Variants in NPIPA6 observed in about 807,000 individuals in gnomAD.
The protein encoded by NPIPA6 is nuclear pore complex interacting protein family, member A6.
At chr16:16,336,386 C>G in the NPIPA6 span, among the ~76,000 whole-genome samples, 1 of 33,628 alleles carries the variant, frequency 3.0e-5, no homozygotes, top group African/African-American at 1.2e-4. Context: ...CGCTCCCTTG[C>G]CCCGCCTGTC....
At chr16:16,343,130 G>T in the NPIPA6 span, among the ~76,000 whole-genome samples, 1 of 137,446 alleles carries the variant, frequency 7.3e-6, no homozygotes, top group Non-Finnish European at 1.6e-5. Context: ...GTCTCACTCT[G>T]TCACCAGGCT....
At chr16:16,343,734 TG>T in the NPIPA6 span, among the ~76,000 whole-genome samples, 1 of 80,862 alleles carries the variant, frequency 1.2e-5, no homozygotes, top group Non-Finnish European at 2.4e-5. Context: ...TGTGTGTGTG[TG>T]TGTGTGACAG....
chr16:16,334,170 TC>T, the NPIPA6 span: 1 of 942,968 alleles, frequency 1.1e-6, no homozygotes, highest in Non-Finnish European at 1.5e-6. Context: ...CAGTGACCCG[TC>T]CATTGTGGGT....
At chr16:16,343,713 T>TTGTGTGTG in the NPIPA6 span, among the ~76,000 whole-genome samples, 25 of 81,532 alleles carry the variant, frequency 3.1e-4, no homozygotes, top group Non-Finnish European at 4.9e-4. Context: ...TTCTTGTGTG[T>TTGTGTGTG]TGTGTGTGTG....
chr16:16,343,284 G>A, the NPIPA6 span, among the ~76,000 whole-genome samples: 21 of 132,240 alleles, frequency 1.6e-4, no homozygotes, highest in South Asian at 2.6e-4. Context: ...GTAGAGACGG[G>A]GTTTCACCAT....
chr16:16,343,713 TTGTGTGTGTGTG>T, the NPIPA6 span, among the ~76,000 whole-genome samples: 3 of 81,506 alleles, frequency 3.7e-5, no homozygotes, highest in African/African-American at 5.1e-5. Context: ...TTCTTGTGTG[TTGTGTGTGTGTG>T]TGTGTGTGTG....
the NPIPA6 span, among the ~76,000 whole-genome samples, chr16:16,337,208 T>A: frequency 1.7e-5 from 2 of 114,998 alleles, no homozygotes; most frequent in Non-Finnish European, 3.5e-5. Flanking sequence ...ATTTGATTTG[T>A]GTCATCTGGT....
chr16:16,337,197 C>T, the NPIPA6 span, among the ~76,000 whole-genome samples: 2 of 111,968 alleles, frequency 1.8e-5, no homozygotes, highest in African/African-American at 4.1e-5. Context: ...AGTGAAATGT[C>T]ATTTGATTTG....
chr16:16,337,225 A>AC, the NPIPA6 span, among the ~76,000 whole-genome samples: 2 of 111,806 alleles, frequency 1.8e-5, no homozygotes, highest in African/African-American at 8.5e-5. Context: ...TGGTTTGATG[A>AC]CTTTTTTTTT....
chr16:16,336,522 C>T, the NPIPA6 span, among the ~76,000 whole-genome samples: 3 of 46,208 alleles, frequency 6.5e-5, no homozygotes, highest in African/African-American at 2.8e-4. Context: ...CCCCAACAGC[C>T]CCCTTCTCCT....
At chr16:16,337,276 G>A in the NPIPA6 span, 1 of 139,804 alleles carries the variant, frequency 7.2e-6, no homozygotes, top group South Asian at 9.8e-5. Context: ...CCAGGCTGGA[G>A]TGCAGTGGCA....
chr16:16,343,697 A>G, the NPIPA6 span, among the ~76,000 whole-genome samples: 1 of 116,440 alleles, frequency 8.6e-6, no homozygotes, highest in Non-Finnish European at 1.7e-5. Flanking sequence ...TGCCAGCCTC[A>G]TGTCATTCTT....
At chr16:16,339,935 CA>C in the NPIPA6 span, among the ~76,000 whole-genome samples, 2 of 64 alleles carry the variant, frequency 0.031, 1 homozygote, top group African/African-American at 0.032. Flanking sequence ...AACTCTGTCT[CA>C]AAAAAAAAAA....
chr16:16,343,616 A>G, the NPIPA6 span, among the ~76,000 whole-genome samples: 1 of 116,972 alleles, frequency 8.5e-6, no homozygotes, highest in Non-Finnish European at 1.7e-5. Flanking sequence ...GGCTGGTCTC[A>G]AACTCCCGAC....
the NPIPA6 span, among the ~76,000 whole-genome samples, chr16:16,343,396 A>ATTT: frequency 6.2e-5 from 2 of 32,488 alleles, no homozygotes; most frequent in African/African-American, 3.6e-4. Context: ...TGGCCTATAT[A>ATTT]TTTTTTTTTT....
the NPIPA6 span, among the ~76,000 whole-genome samples, chr16:16,337,205 T>C: frequency 1.7e-5 from 2 of 115,816 alleles, no homozygotes; most frequent in Non-Finnish European, 1.7e-5. Context: ...GTCATTTGAT[T>C]TGTGTCATCT....
At chr16:16,343,125 A>G in the NPIPA6 span, among the ~76,000 whole-genome samples, 1 of 135,548 alleles carries the variant, frequency 7.4e-6, no homozygotes, top group African/African-American at 2.7e-5. Context: ...ACGGAGTCTC[A>G]CTCTGTCACC....
At chr16:16,343,396 AT>A in the NPIPA6 span, among the ~76,000 whole-genome samples, 12,281 of 32,710 alleles carry the variant, frequency 0.38, 2,386 homozygotes, top group South Asian at 0.42. Flanking sequence ...TGGCCTATAT[AT>A]TTTTTTTTTT....
At chr16:16,331,929 C>T in the NPIPA6 span, 1 of 443,738 alleles carries the variant, frequency 2.3e-6, no homozygotes, top group South Asian at 2.0e-5. Flanking sequence ...GCGTGGTTGT[C>T]TATCCCGTCT....
Sources: gnomAD v4.1 joint callset for allele counts (sites outside exome capture counted in the v4.1 genomes callset) on GRCh38, gnomAD v4.1.1 for gene constraint, MANE v1.5 for transcripts, NCBI Gene and HGNC (gene_info 2026-07-23, HGNC 2026-07-21) for gene names.